Variants in ZBTB20 observed in about 807,000 individuals in gnomAD.
ZBTB20 encodes zinc finger and BTB domain containing 20.
Under a neutral mutation model 56.9 loss-of-function variants are expected in ZBTB20, and 9 were observed. The ratio of observed to expected loss-of-function variants is 0.16; its 90% CI spans 0.10 to 0.28. The LOEUF (loss-of-function observed/expected upper bound fraction) is 0.28, where lower values mean the gene tolerates loss of function less well. ZBTB20 is among the 10% of genes least tolerant of loss of function. ZBTB20 has a pLI of 1.00. For synonymous variants in ZBTB20, 417 were observed against 420.7 expected (o/e 0.99, Z 0.11); for missense variants, 655 against 1,003.0 (o/e 0.65, Z 4.69).
intron 1 of ZBTB20, among the ~76,000 whole-genome samples, chr3:115,103,524 T>C (rs1382358179): frequency 1.3e-5 from 2 of 152,126 alleles, no homozygotes; most frequent in Non-Finnish European, 2.9e-5. Context: ...TGCAACAAAA[T>C]AGACAGCCCA....
intron 1 of ZBTB20, among the ~76,000 whole-genome samples, chr3:115,088,549 TTG>T (rs1212953707): frequency 1.3e-5 from 2 of 151,898 alleles, no homozygotes; most frequent in Admixed American, 1.3e-4. Context: ...CTCTTTTAAA[TTG>T]TGACTGCCCT....
chr3:115,009,719 G>A (rs953155645), intron 2 of ZBTB20, among the ~76,000 whole-genome samples: 2 of 151,912 alleles, frequency 1.3e-5, no homozygotes, highest in Admixed American at 6.6e-5. Flanking sequence ...TATCACAGCA[G>A]TAGCTTTGTT....
chr3:114,831,936 C>T (rs1455393677), intron 4 of ZBTB20, among the ~76,000 whole-genome samples: 1 of 152,046 alleles, frequency 6.6e-6, no homozygotes, highest in Non-Finnish European at 1.5e-5. Context: ...AATTTCATTA[C>T]TCATTATGTT....
At chr3:114,747,775 G>A (rs796703606) in intron 5 of ZBTB20, among the ~76,000 whole-genome samples, 1 of 11,136 alleles carries the variant, frequency 9.0e-5, no homozygotes, top group African/African-American at 9.7e-5. Flanking sequence ...AAAATTAGCC[G>A]GGCGAGGTGG....
chr3:114,449,189 C>T (rs2109015356), intron 7 of ZBTB20, among the ~76,000 whole-genome samples: 1 of 152,106 alleles, frequency 6.6e-6, no homozygotes, highest in South Asian at 2.1e-4. Context: ...TAAAATAATC[C>T]ATTTGCATTT....
chr3:114,820,995 C>G (rs1212604042), intron 4 of ZBTB20, among the ~76,000 whole-genome samples: 1 of 151,990 alleles, frequency 6.6e-6, no homozygotes, highest in African/African-American at 2.4e-5. Flanking sequence ...AGGAAAACAC[C>G]CCCAAGTAAC....
chr3:114,397,651 ATACT>A (rs2086451173), intron 7 of ZBTB20, among the ~76,000 whole-genome samples: 1 of 151,604 alleles, frequency 6.6e-6, no homozygotes, highest in Non-Finnish European at 1.5e-5. Flanking sequence ...AGTGTGTTTC[ATACT>A]GGAACTTCAA....
intron 4 of ZBTB20, among the ~76,000 whole-genome samples, chr3:114,891,632 C>A (rs942396875): frequency 6.6e-6 from 1 of 152,148 alleles, no homozygotes; most frequent in Non-Finnish European, 1.5e-5. Flanking sequence ...TTGTCTTTAC[C>A]ATGACCAGAT....
intron 4 of ZBTB20, among the ~76,000 whole-genome samples, chr3:114,881,294 A>G (rs2076388931): frequency 6.6e-6 from 1 of 152,074 alleles, no homozygotes; most frequent in African/African-American, 2.4e-5. Flanking sequence ...AACCATGTGA[A>G]ATAATTGCCT....
chr3:114,335,397 T>C lies in ZBTB20; in HGVS notation c.*3608A>G, dbSNP rs1019726413. 6.6e-6 allele frequency: 1 copy of C among 152,248 alleles called. No individual in the cohort carries two copies. The allele number at this position is 152,248 out of a possible 1,614,324, so 9.4% of individuals were successfully genotyped here. A position where few individuals can be genotyped will look rare whatever the true frequency, so the allele number is the denominator to read the frequency against. On this transcript the variant is annotated 3_prime_UTR_variant, in exon 12 of 12. Transcript: ENST00000675478. ...ATTAAAAAGATCCACACTCATTCTT[T>C]GATTTTGAAGCAAATGTCTTTCCCT...
At chr3:114,704,715 C>A (rs2063607670) in intron 5 of ZBTB20, among the ~76,000 whole-genome samples, 1 of 152,124 alleles carries the variant, frequency 6.6e-6, no homozygotes, top group African/African-American at 2.4e-5. Flanking sequence ...CTAACTCTCT[C>A]ATTTTCGCAA....
At chr3:114,395,143 C>G (rs1224743566) in intron 7 of ZBTB20, among the ~76,000 whole-genome samples, 4 of 152,062 alleles carry the variant, frequency 2.6e-5, no homozygotes, top group Non-Finnish European at 5.9e-5. Context: ...TTCTTTGCCC[C>G]AAATGTAGTG....
At chr3:114,483,517 G>A (rs1052013163) in intron 7 of ZBTB20, among the ~76,000 whole-genome samples, 2 of 152,064 alleles carry the variant, frequency 1.3e-5, no homozygotes, top group Middle Eastern at 3.4e-3. Flanking sequence ...AAGTGAATAT[G>A]TCCTATTCCA....
chr3:115,068,668 T>C (rs2082295158), intron 2 of ZBTB20, among the ~76,000 whole-genome samples: 1 of 152,106 alleles, frequency 6.6e-6, no homozygotes, highest in Admixed American at 6.6e-5. Flanking sequence ...CAAATAGACC[T>C]AATTTCCATT....
At chr3:114,767,209 G>A (rs1450008350) in intron 5 of ZBTB20, among the ~76,000 whole-genome samples, 1 of 151,894 alleles carries the variant, frequency 6.6e-6, no homozygotes, top group African/African-American at 2.4e-5. Flanking sequence ...TTCAAGTAGG[G>A]ACCCAAAATG....
intron 5 of ZBTB20, among the ~76,000 whole-genome samples, chr3:114,795,682 A>G (rs1456073040): frequency 3.9e-5 from 6 of 152,026 alleles, no homozygotes; most frequent in East Asian, 1.9e-4. Context: ...CCCCCACTCA[A>G]TGTTGTCTTG....
At chr3:114,830,812 C>G (rs1217993980) in intron 4 of ZBTB20, among the ~76,000 whole-genome samples, 1 of 151,894 alleles carries the variant, frequency 6.6e-6, no homozygotes, top group African/African-American at 2.4e-5. Flanking sequence ...CGTCTCTTAC[C>G]TCTGACCTAA....
chr3:114,761,770 G>T (rs1248150443), intron 5 of ZBTB20, among the ~76,000 whole-genome samples: 3 of 151,380 alleles, frequency 2.0e-5, no homozygotes, highest in African/African-American at 7.3e-5. Flanking sequence ...GGAGATGGAG[G>T]TTCCAGTGAG....
At chr3:114,398,476 A>G (rs200703312) in intron 7 of ZBTB20, among the ~76,000 whole-genome samples, 1 of 152,074 alleles carries the variant, frequency 6.6e-6, no homozygotes, top group Non-Finnish European at 1.5e-5. Flanking sequence ...AAGAAACACT[A>G]CCCGCCATCA....
Sources: allele counts gnomAD v4.1 joint callset (sites outside exome capture counted in the v4.1 genomes callset), GRCh38; gene constraint gnomAD v4.1.1; transcripts MANE v1.5; gene names NCBI Gene and HGNC (gene_info 2026-07-23, HGNC 2026-07-21).